YPEL1: variants seen among roughly 807,000 people sequenced by gnomAD.
YPEL1 encodes protein yippee-like 1.
A neutral mutation model predicts 17.3 loss-of-function variants in YPEL1; 7 were observed. The observed-to-expected ratio is 0.40, with a 90% CI of 0.23 to 0.76. The LOEUF is 0.76. Ranked by LOEUF, YPEL1 falls within the 30% of genes least tolerant of loss-of-function variation. YPEL1 has a pLI of 0.35. For missense variants in YPEL1, 91 were observed against 155.5 expected (o/e 0.59, Z 2.21); for synonymous variants, 59 against 59.6 (o/e 0.99, Z 0.05).
intron 1 of YPEL1, among the ~76,000 whole-genome samples, chr22:21,711,705 C>A (rs758177630): frequency 6.6e-6 from 1 of 152,104 alleles, no homozygotes; most frequent in Admixed American, 6.5e-5. Context: ...TACCTAACAC[C>A]GTATACAAAT....
At position 21,710,661 on chromosome 22, in the gene YPEL1, T is replaced by C; in HGVS notation, c.84A>G (p.Ala28=). The C allele has an allele frequency of 6.2e-7, 1 of 1,614,264 alleles. No individual in the cohort carries two copies. Among genetic ancestry groups the C allele is most frequent in the Non-Finnish European group, 8.5e-7 (1 of 1,180,044 alleles). Residue 28 remains alanine, a synonymous_variant, in exon 2 of 5, where the codon GCA becomes GCG. Coordinates refer to ENST00000339468, the MANE Select transcript of YPEL1 (RefSeq NM_013313.5). ...HRTYSCIHCR[A]HLANHDELIS... ...TGAGCTCGTCATGATTGGCCAGGTG[T>C]GCTCTGCAGTGGATACAGCTGTACG...
At chr22:21,701,602 C>G (rs1298899528) in intron 4 of YPEL1, among the ~76,000 whole-genome samples, 1 of 152,190 alleles carries the variant, frequency 6.6e-6, no homozygotes, top group Non-Finnish European at 1.5e-5. Flanking sequence ...TCCCAAAGTG[C>G]TGGGATTACT....
chr22:21,710,909 C>T lies in YPEL1; in HGVS notation c.-164-1G>A. On this transcript the variant is annotated splice_acceptor_variant, in intron 1 of 4. Transcript: ENST00000339468. LOFTEE classifies it low-confidence loss of function (5UTR_SPLICE). ...AGCTGGGACGAGAGAAAAACGTAACCTGCCAACCAATCAGACAAAGTGGTG... is the reference window on the plus strand; with the variant it reads ...AGCTGGGACGAGAGAAAAACGTAACTTGCCAACCAATCAGACAAAGTGGTG... 1.5e-6 allele frequency: 1 copy of T among 671,196 alleles called. No homozygotes were observed. Among genetic ancestry groups the T allele is most frequent in the Non-Finnish European group, 2.7e-6 (1 of 371,946 alleles). 41.6% of individuals were successfully genotyped at this position (671,196 alleles called of 1,614,324 possible). A position where few individuals can be genotyped will look rare whatever the true frequency, so the allele number is the denominator to read the frequency against.
chr22:21,730,842 G>A (rs1404258700), intron 1 of YPEL1, among the ~76,000 whole-genome samples: 1 of 152,192 alleles, frequency 6.6e-6, no homozygotes, highest in Admixed American at 6.5e-5. Flanking sequence ...AAGGGGCCTG[G>A]CTCCTCCATT....
chr22:21,709,924 G>A lies in YPEL1; in HGVS notation c.117+704C>T, dbSNP rs143628410. ...CGGTGGTCATGACGTATGAGGATGC[G>A]GGGAGTTCATGACCTGAGGCTGGGG... On this transcript the variant is annotated intron_variant, in intron 2 of 4. Transcript: ENST00000339468. 7.2e-3 allele frequency among the ~76,000 whole-genome samples: 1,084 copies of A among 151,456 alleles called. 7 individuals are homozygous for A. Among genetic ancestry groups the A allele is most frequent in the Middle Eastern group, 0.017 (5 of 290 alleles).
chr22:21,725,874 C>T (rs1440276217), intron 1 of YPEL1, among the ~76,000 whole-genome samples: 1 of 151,626 alleles, frequency 6.6e-6, no homozygotes, highest in Non-Finnish European at 1.5e-5. Flanking sequence ...TGGCACATGC[C>T]TGTGGTCCCA....
chr22:21,701,331 T>G, intron 4 of YPEL1, 113 bp from the exon 5 acceptor site: 4 of 727,688 alleles, frequency 5.5e-6, no homozygotes, highest in Non-Finnish European at 9.2e-6. Context: ...TACCCAGATG[T>G]TCCCTGAGCG....
chr22:21,730,687 A>G (rs1299864622), intron 1 of YPEL1, among the ~76,000 whole-genome samples: 1 of 152,224 alleles, frequency 6.6e-6, no homozygotes, highest in Non-Finnish European at 1.5e-5. Flanking sequence ...ACAGGAGGAA[A>G]AGCTCCCCTC....
At chr22:21,711,006 G>C (rs374188337) in intron 1 of YPEL1, 98 bp from the exon 2 acceptor site, 102 of 405,056 alleles carry the variant, frequency 2.5e-4, no homozygotes, top group Middle Eastern at 1.4e-3. Flanking sequence ...CACGCGGGGT[G>C]GGGGGGTGGC....
intron 1 of YPEL1, among the ~76,000 whole-genome samples, chr22:21,714,416 CGT>C: frequency 6.6e-6 from 1 of 152,264 alleles, no homozygotes; most frequent in East Asian, 1.9e-4. Flanking sequence ...CTGCGTGTTC[CGT>C]GTTTTGAACT....
At chr22:21,706,395 A>G (rs1330528428) in intron 2 of YPEL1, among the ~76,000 whole-genome samples, 1 of 151,488 alleles carries the variant, frequency 6.6e-6, no homozygotes, top group East Asian at 1.9e-4. Flanking sequence ...AGATCGCGCC[A>G]CTGCACTCCA....
chr22:21,710,513 T>C, intron 2 of YPEL1, 115 bp downstream of exon 2: 1 of 929,202 alleles, frequency 1.1e-6, no homozygotes, highest in Non-Finnish European at 1.8e-6. Flanking sequence ...GCTCTAGACG[T>C]TCAGGACACA....
In YPEL1 at chr22:21,703,346, C is replaced by T. The variant is rs746945826; in HGVS notation, c.270+24G>A. On this transcript the variant is annotated intron_variant, in intron 4 of 4. Transcript: ENST00000339468. The surrounding 1 kb of genome is among the most constrained non-coding windows in gnomAD (Gnocchi z 6.1). The stretch of plus-strand genomic sequence containing the variant: ...CTTAGTGCCACATCCCCTTGTGGCA[C>T]GAGCATCCCCTTGTGGCACTCACGT... 25 of 1,605,128 alleles carry T rather than the reference C, an allele frequency of 1.6e-5. No homozygotes were observed. The highest frequency in any genetic ancestry group is 2.0e-5 in the Non-Finnish European group (23 of 1,173,460).
intron 1 of YPEL1, among the ~76,000 whole-genome samples, chr22:21,725,600 T>G (rs2068327773): frequency 6.6e-6 from 1 of 152,100 alleles, no homozygotes; most frequent in African/African-American, 2.4e-5. Flanking sequence ...AATCACTGAC[T>G]AGTGTCCTGG....
At chr22:21,733,139 G>A (rs117339918) in intron 1 of YPEL1, among the ~76,000 whole-genome samples, 3,244 of 151,962 alleles carry the variant, frequency 0.021, 67 homozygotes, top group Middle Eastern at 0.11. Flanking sequence ...AAACAAGGCT[G>A]GGCACTGTGG....
At chr22:21,717,766 C>A (rs1157296434) in intron 1 of YPEL1, among the ~76,000 whole-genome samples, 1 of 152,124 alleles carries the variant, frequency 6.6e-6, no homozygotes, top group Non-Finnish European at 1.5e-5. Flanking sequence ...GAGAAAGGGA[C>A]AATTATGATT....
rs2068006349 is a variant in YPEL1, at chr22:21,698,050, C to T, written c.*3079G>A. ...CATTTATAACCCTGACATCACCTCC[C>T]AAGGCTCTCAAGGAAGATTTATTTT... is the stretch of plus-strand genomic sequence containing the variant. On this transcript the variant is annotated 3_prime_UTR_variant, in exon 5 of 5. Coordinates refer to ENST00000339468, the MANE Select transcript of YPEL1 (RefSeq NM_013313.5). 1 of 152,240 alleles carries T rather than the reference C, an allele frequency of 6.6e-6. No homozygotes were observed. Among genetic ancestry groups the T allele is most frequent in the Non-Finnish European group, 1.5e-5 (1 of 68,030 alleles). 9.4% of individuals were successfully genotyped at this position (152,240 alleles called of 1,614,324 possible). A position where few individuals can be genotyped will look rare whatever the true frequency, so the allele number is the denominator to read the frequency against.
At chr22:21,712,662 G>A (rs2068181417) in intron 1 of YPEL1, among the ~76,000 whole-genome samples, 1 of 148,626 alleles carries the variant, frequency 6.7e-6, no homozygotes, top group African/African-American at 2.5e-5. Flanking sequence ...GGAGGCAGCG[G>A]TTGCAGTGAG....
intron 2 of YPEL1, among the ~76,000 whole-genome samples, chr22:21,709,639 C>A (rs1462825073): frequency 6.6e-6 from 1 of 151,966 alleles, no homozygotes; most frequent in Non-Finnish European, 1.5e-5. Flanking sequence ...AAATAAAATA[C>A]CTATTTAAAA....
Sources: allele counts gnomAD v4.1 joint callset (sites outside exome capture counted in the v4.1 genomes callset), GRCh38; gene constraint gnomAD v4.1.1; non-coding constraint Gnocchi (gnomAD v3.1); transcripts MANE v1.5; gene names NCBI Gene and HGNC (gene_info 2026-07-23, HGNC 2026-07-21).